ACSS3: variants seen among roughly 807,000 people sequenced by gnomAD.
ACSS3 encodes acyl-CoA synthetase short chain family member 3, also known as acyl-CoA synthetase short-chain family member 3, mitochondrial.
A neutral mutation model predicts 84.2 loss-of-function variants in ACSS3; 64 were observed. That is an observed-to-expected ratio of 0.76 (90% confidence interval 0.62 to 0.94). The LOEUF (loss-of-function observed/expected upper bound fraction) is 0.94, where lower values mean the gene tolerates loss of function less well. Among genes scored for constraint, ACSS3 ranks in the 40% least tolerant of loss-of-function variants. ACSS3 has a pLI of 0.00. For synonymous variants in ACSS3, 317 were observed against 310.1 expected, an observed-to-expected ratio of 1.02 and a Z score of -0.23; for missense variants, 815 against 867.6, an observed-to-expected ratio of 0.94 and a Z score of 0.76.
At chr12:81,254,800 G>A in intron 15 of ACSS3, 57 bp from the exon 16 acceptor site, 1 of 1,316,414 alleles carries the variant, frequency 7.6e-7, no homozygotes, top group Non-Finnish European at 1.1e-6. Flanking sequence ...TTTAATTATA[G>A]AAAGAGTAGA....
At chr12:81,099,129 T>C (rs909501464) in intron 1 of ACSS3, among the ~76,000 whole-genome samples, 5 of 152,304 alleles carry the variant, frequency 3.3e-5, no homozygotes, top group African/African-American at 9.6e-5. Flanking sequence ...TTTATAAAGA[T>C]TATATATTCA....
chr12:81,250,769 G>T (rs1023845780), intron 13 of ACSS3, among the ~76,000 whole-genome samples: 2 of 152,050 alleles, frequency 1.3e-5, no homozygotes, highest in Admixed American at 6.6e-5. Context: ...TTAAAACTCT[G>T]GTTAGCCAAG....
intron 1 of ACSS3, among the ~76,000 whole-genome samples, chr12:81,083,762 G>A (rs1166254727): frequency 6.6e-6 from 1 of 151,922 alleles, no homozygotes; most frequent in Non-Finnish European, 1.5e-5. Flanking sequence ...ACGACGTCAG[G>A]AGATCCAGAC....
At chr12:81,080,687 A>G (rs761547357) in intron 1 of ACSS3, among the ~76,000 whole-genome samples, 17 of 152,150 alleles carry the variant, frequency 1.1e-4, no homozygotes, top group Admixed American at 2.6e-4. Flanking sequence ...GATAGTCCTG[A>G]TTGGTTAGCA....
Position 81,253,515 on chromosome 12 carries a change from CAA to C in ACSS3, c.1841_1842del (p.Gln614ArgfsTer10). 3 of 1,613,798 alleles carry C rather than the reference CAA, an allele frequency of 1.9e-6. No individual in the cohort carries two copies. The highest frequency in any genetic ancestry group is 2.5e-6 in the Non-Finnish European group (3 of 1,179,838). Reference protein sequence around the residue: ...LRKDINATEEQVLEEIVKHVR... With the variant: ...LRKDINATEEXVLEEIVKHVR... ...TCTAGATATAAATGCAACAGAGGAG[CAA>C]GTTTTGGAAGAAATTGTGAAACACG... On this transcript the variant is annotated frameshift_variant, in exon 15 of 16. Coordinates refer to ENST00000548058, the MANE Select transcript of ACSS3 (RefSeq NM_024560.4). LOFTEE classifies it high-confidence loss of function.
chr12:81,154,858 T>C (rs1299425606), intron 7 of ACSS3, among the ~76,000 whole-genome samples: 1 of 152,190 alleles, frequency 6.6e-6, no homozygotes, highest in Non-Finnish European at 1.5e-5. Flanking sequence ...CTAATGTTCA[T>C]GTTGTTTCTT....
intron 1 of ACSS3, among the ~76,000 whole-genome samples, chr12:81,092,603 G>A (rs527993379): frequency 6.6e-6 from 1 of 152,090 alleles, no homozygotes; most frequent in African/African-American, 2.4e-5. Flanking sequence ...ATCCCTTTGT[G>A]CAGCCTCTCA....
intron 9 of ACSS3, among the ~76,000 whole-genome samples, chr12:81,204,562 T>A (rs2032263931): frequency 1.3e-5 from 2 of 152,208 alleles, no homozygotes; most frequent in Non-Finnish European, 2.9e-5. Context: ...AAACGCTTTG[T>A]TCTTTCTCTT....
At chr12:81,171,101 A>AT (rs2030005979) in intron 7 of ACSS3, among the ~76,000 whole-genome samples, 1 of 152,112 alleles carries the variant, frequency 6.6e-6, no homozygotes, top group African/African-American at 2.4e-5. Context: ...TTCTAATAAT[A>AT]TTATCCCATA....
chr12:81,095,879 A>G (rs1882008131), intron 1 of ACSS3, among the ~76,000 whole-genome samples: 1 of 152,246 alleles, frequency 6.6e-6, no homozygotes, highest in South Asian at 2.1e-4. Context: ...CTCTGTCTTT[A>G]CATCAGGTTT....
At chr12:81,253,220 T>G (rs2034205845) in intron 13 of ACSS3, 87 bp from the exon 14 acceptor site, 1 of 1,348,488 alleles carries the variant, frequency 7.4e-7, no homozygotes, top group African/African-American at 1.5e-5. Context: ...TGTGTTTGTA[T>G]ATCTATATCT....
intron 1 of ACSS3, among the ~76,000 whole-genome samples, chr12:81,086,262 T>TA (rs35731459): frequency 0.38 from 58,208 of 151,946 alleles, 14,228 homozygotes; most frequent in Non-Finnish European, 0.55. Flanking sequence ...ATTTAAAATA[T>TA]AAAATCATCA....
At chr12:81,089,548 G>A (rs1438749767) in intron 1 of ACSS3, among the ~76,000 whole-genome samples, 2 of 151,956 alleles carry the variant, frequency 1.3e-5, no homozygotes, top group African/African-American at 4.8e-5. Context: ...ATCTAAAAAT[G>A]TTAAATGCTT....
At chr12:81,080,010 A>T (rs1880870044) in intron 1 of ACSS3, among the ~76,000 whole-genome samples, 1 of 152,230 alleles carries the variant, frequency 6.6e-6, no homozygotes, top group African/African-American at 2.4e-5. Flanking sequence ...AGATTATTGC[A>T]TCACTGTTTC....
intron 8 of ACSS3, among the ~76,000 whole-genome samples, chr12:81,176,608 A>T (rs1054485658): frequency 8.6e-5 from 13 of 152,018 alleles, no homozygotes; most frequent in Admixed American, 6.6e-4. Flanking sequence ...ATAAAAAAAA[A>T]ATTGAGCCCA....
At chr12:81,211,478 G>T (rs1045588932) in intron 9 of ACSS3, among the ~76,000 whole-genome samples, 1 of 152,058 alleles carries the variant, frequency 6.6e-6, no homozygotes, top group Admixed American at 6.6e-5. Context: ...GATTATCTTT[G>T]GTTTATGTGG....
At chr12:81,209,288 G>T (rs991935932) in intron 9 of ACSS3, among the ~76,000 whole-genome samples, 2 of 150,312 alleles carry the variant, frequency 1.3e-5, no homozygotes, top group African/African-American at 4.9e-5. Flanking sequence ...AATGTTTTTT[G>T]TTAACTACAT....
chr12:81,160,444 TC>T (rs1887093280), intron 7 of ACSS3, among the ~76,000 whole-genome samples: 1 of 152,222 alleles, frequency 6.6e-6, no homozygotes, highest in Non-Finnish European at 1.5e-5. Context: ...GATTTAAAAT[TC>T]TGAATGATGG....
chr12:81,182,932 A>G (rs560481671), intron 8 of ACSS3, among the ~76,000 whole-genome samples: 3 of 152,234 alleles, frequency 2.0e-5, no homozygotes, highest in African/African-American at 7.2e-5. Flanking sequence ...GTATTTTCTT[A>G]GAAGCTTCAG....
Sources: allele counts gnomAD v4.1 joint callset (sites outside exome capture counted in the v4.1 genomes callset), GRCh38; gene constraint gnomAD v4.1.1; transcripts MANE v1.5; gene names NCBI Gene and HGNC (gene_info 2026-07-23, HGNC 2026-07-21).